TBC1D22A: variants seen among roughly 807,000 people sequenced by gnomAD.
TBC1D22A encodes TBC1 domain family member 22A.
Under a neutral mutation model 60.2 loss-of-function variants are expected in TBC1D22A, and 38 were observed. The ratio of observed to expected loss-of-function variants is 0.63; its 90% confidence interval spans 0.49 to 0.83. The LOEUF (loss-of-function observed/expected upper bound fraction) is 0.83, where lower values mean the gene tolerates loss of function less well. Among genes scored for constraint, TBC1D22A ranks in the 40% least tolerant of loss-of-function variants. TBC1D22A has a pLI of 0.00. For synonymous variants in TBC1D22A, 302 were observed against 281.7 expected (o/e 1.07, Z -0.72); for missense variants, 628 against 701.0 (o/e 0.90, Z 1.18).
chr22:47,098,623 C>T lies in TBC1D22A; in HGVS notation c.1330-12885C>T, dbSNP rs530906191. On this transcript the variant is annotated intron_variant, in intron 11 of 12. Coordinates refer to ENST00000337137, the MANE Select transcript of TBC1D22A (RefSeq NM_014346.5). ...GGTGAGGCATCTCCCCGACTCCATGCACCAGGCTGCCCTGGGGAAGGGCCA... is the reference window on the plus strand; with the variant it reads ...GGTGAGGCATCTCCCCGACTCCATGTACCAGGCTGCCCTGGGGAAGGGCCA... 2.6e-5 allele frequency among the ~76,000 whole-genome samples: 4 copies of T among 151,774 alleles called. No homozygotes were observed. In the South Asian group the frequency reaches 8.3e-4, roughly 32 times the overall value.
chr22:47,088,882 C>T (rs186516532), intron 11 of TBC1D22A, among the ~76,000 whole-genome samples: 83 of 152,312 alleles, frequency 5.4e-4, no homozygotes, highest in African/African-American at 1.9e-3. Context: ...AACAGCGAAG[C>T]GTTCTCGCAC....
At chr22:47,015,150 C>T (rs922058439) in intron 10 of TBC1D22A, among the ~76,000 whole-genome samples, 5 of 152,216 alleles carry the variant, frequency 3.3e-5, no homozygotes, top group African/African-American at 7.2e-5. Flanking sequence ...AGTCACACAT[C>T]GCACACACCC....
intron 12 of TBC1D22A, among the ~76,000 whole-genome samples, chr22:47,159,915 G>GCCACATACATGTGTCACAGGCA (rs2067904563): frequency 6.7e-6 from 1 of 149,856 alleles, no homozygotes; most frequent in African/African-American, 2.5e-5. Context: ...ACACACATGT[G>GCCACATACATGTGTCACAGGCA]CCACATACAT....
intron 10 of TBC1D22A, among the ~76,000 whole-genome samples, chr22:47,013,284 G>A (rs1004380167): frequency 1.3e-5 from 2 of 152,234 alleles, no homozygotes; most frequent in African/African-American, 2.4e-5. Context: ...ATGCAAACAC[G>A]TGAGGCCTCC....
intron 11 of TBC1D22A, among the ~76,000 whole-genome samples, chr22:47,057,917 C>A (rs572059967): frequency 6.6e-6 from 1 of 152,186 alleles, no homozygotes; most frequent in Non-Finnish European, 1.5e-5. Flanking sequence ...TGTAAAGGGA[C>A]CTGCTGGGCA....
intron 1 of TBC1D22A, chr22:46,763,121 C>A: frequency 2.3e-6 from 1 of 427,832 alleles, no homozygotes. Context: ...CCGAGAAACT[C>A]CTGGGCTCCT....
At chr22:47,156,542 C>A (rs879603253) in intron 12 of TBC1D22A, among the ~76,000 whole-genome samples, 2 of 152,082 alleles carry the variant, frequency 1.3e-5, no homozygotes, top group Non-Finnish European at 2.9e-5. Flanking sequence ...TGAGGCTGGC[C>A]GGAGTGAACA....
chr22:47,118,977 C>T (rs1338614836), intron 12 of TBC1D22A, among the ~76,000 whole-genome samples: 1 of 152,094 alleles, frequency 6.6e-6, no homozygotes, highest in Non-Finnish European at 1.5e-5. Flanking sequence ...GGTGGAACCC[C>T]ATCTCTACTA....
rs1483086576 is a variant in TBC1D22A, at chr22:47,175,123, G to T, written c.*1497G>T. 6.6e-6 allele frequency: 1 copy of T among 152,290 alleles called. No homozygotes were observed. The highest frequency in any genetic ancestry group is 2.4e-5 in the African/African-American group (1 of 41,458). The allele number at this position is 152,290 out of a possible 1,614,324, so 9.4% of individuals were successfully genotyped here. A position where few individuals can be genotyped will look rare whatever the true frequency, so the allele number is the denominator to read the frequency against. ...ACATACAGGCATAAGTGATGTGTGT[G>T]TTTCTGCTTCTGTTTTAAAAATCCA... On this transcript the variant is annotated 3_prime_UTR_variant, in exon 13 of 13. Transcript: ENST00000337137.
At chr22:47,119,742 G>T (rs892953525) in intron 12 of TBC1D22A, among the ~76,000 whole-genome samples, 1 of 152,082 alleles carries the variant, frequency 6.6e-6, no homozygotes, top group Non-Finnish European at 1.5e-5. Flanking sequence ...TAATCCGCCC[G>T]CCTCAGCCTC....
At chr22:46,790,642 G>T (rs1430624054) in intron 1 of TBC1D22A, among the ~76,000 whole-genome samples, 1 of 151,320 alleles carries the variant, frequency 6.6e-6, no homozygotes, top group South Asian at 2.1e-4. Flanking sequence ...AGGTACAAAT[G>T]AACAAAATAA....
chr22:46,916,421 C>T (rs9616153), intron 8 of TBC1D22A, among the ~76,000 whole-genome samples: 10,452 of 152,298 alleles, frequency 0.069, 496 homozygotes, highest in Non-Finnish European at 0.11. Flanking sequence ...CAGCAGTCCT[C>T]GTGGAGCTCA....
chr22:47,017,731 TGAAAA>T, intron 10 of TBC1D22A, among the ~76,000 whole-genome samples: 1 of 152,298 alleles, frequency 6.6e-6, no homozygotes, highest in South Asian at 2.1e-4. Context: ...GCTAGAAAAG[TGAAAA>T]GAACTCATTT....
intron 4 of TBC1D22A, among the ~76,000 whole-genome samples, chr22:46,875,508 G>A (rs1010668547): frequency 4.6e-5 from 7 of 151,928 alleles, no homozygotes; most frequent in Admixed American, 1.3e-4. Flanking sequence ...CTGCGGTGCA[G>A]TAGCGTGATC....
intron 7 of TBC1D22A, among the ~76,000 whole-genome samples, chr22:46,900,779 G>A (rs2068950393): frequency 6.6e-6 from 1 of 152,176 alleles, no homozygotes; most frequent in Non-Finnish European, 1.5e-5. Flanking sequence ...CAGTGTGTCT[G>A]TCTGTGCACC....
chr22:46,851,354 G>C (rs2087268079), intron 4 of TBC1D22A, among the ~76,000 whole-genome samples: 2 of 152,168 alleles, frequency 1.3e-5, no homozygotes, highest in Admixed American at 1.3e-4. Context: ...GCTGGGGCAG[G>C]CATGGCTCTC....
chr22:47,170,536 C>T (rs771949382), intron 12 of TBC1D22A, among the ~76,000 whole-genome samples: 3 of 152,084 alleles, frequency 2.0e-5, no homozygotes, highest in Non-Finnish European at 4.4e-5. Context: ...ATCCAAAATG[C>T]GAAAGGAAAT....
intron 4 of TBC1D22A, among the ~76,000 whole-genome samples, chr22:46,824,300 C>G (rs975766596): frequency 1.3e-4 from 20 of 152,032 alleles, no homozygotes; most frequent in African/African-American, 4.8e-4. Flanking sequence ...TTTGGATGGT[C>G]ATTCTGATGG....
intron 8 of TBC1D22A, among the ~76,000 whole-genome samples, chr22:46,956,134 T>C (rs1031420908): frequency 3.3e-5 from 5 of 152,184 alleles, no homozygotes; most frequent in African/African-American, 1.2e-4. Flanking sequence ...GTGTGAATGT[T>C]AGGGGGCTGA....
Sources: allele counts gnomAD v4.1 joint callset (sites outside exome capture counted in the v4.1 genomes callset), GRCh38; gene constraint gnomAD v4.1.1; transcripts MANE v1.5; gene names NCBI Gene and HGNC (gene_info 2026-07-23, HGNC 2026-07-21).